The following UST variants were observed in gnomAD, a reference collection of about 807,000 sequenced individuals.
UST encodes chondroitin sulfate 2-O-sulfotransferase.
UST carries 21 observed loss-of-function variants against 45.6 expected under a neutral mutation model. That is an observed-to-expected ratio of 0.46 (90% confidence interval 0.33 to 0.66). UST has a LOEUF of 0.66. UST is among the 30% of genes least tolerant of loss of function. UST has a pLI of 0.02. For synonymous variants in UST, 215 were observed against 200.6 expected (o/e 1.07, Z -0.61); for missense variants, 463 against 512.4 (o/e 0.90, Z 0.93).
intron 1 of UST, among the ~76,000 whole-genome samples, chr6:148,864,716 A>G (rs953970296): frequency 2.0e-5 from 3 of 152,236 alleles, no homozygotes; most frequent in Non-Finnish European, 4.4e-5. Context: ...GGCAATAATT[A>G]ATAGTTATCC....
At chr6:148,941,251 A>G (rs1384835846) in intron 2 of UST, 28 bp from the exon 3 acceptor site, 1 of 1,612,252 alleles carries the variant, frequency 6.2e-7, no homozygotes, top group African/African-American at 1.3e-5. Context: ...CAGACGTTTC[A>G]TGTTTGTTCT....
chr6:148,970,520 T>C (rs1780893693), intron 5 of UST, among the ~76,000 whole-genome samples: 1 of 151,898 alleles, frequency 6.6e-6, no homozygotes, highest in African/African-American at 2.4e-5. Context: ...GGCTTACGAG[T>C]CACCCAGGTT....
intron 1 of UST, among the ~76,000 whole-genome samples, chr6:148,754,352 G>C (rs1776056064): frequency 6.6e-6 from 1 of 152,094 alleles, no homozygotes. Context: ...GGTGGTATTT[G>C]GTTACGTGAG....
intron 1 of UST, among the ~76,000 whole-genome samples, chr6:148,791,857 G>A (rs993874353): frequency 2.0e-5 from 3 of 152,148 alleles, no homozygotes; most frequent in Admixed American, 6.5e-5. Context: ...ACAAAACTCA[G>A]TAAACGATTG....
At chr6:148,994,944 T>C (rs1781423338) in intron 5 of UST, among the ~76,000 whole-genome samples, 1 of 152,176 alleles carries the variant, frequency 6.6e-6, no homozygotes. Flanking sequence ...CAGAATGCTA[T>C]CTTGTAGTCT....
At chr6:148,860,416 A>G (rs1778288051) in intron 1 of UST, among the ~76,000 whole-genome samples, 1 of 152,222 alleles carries the variant, frequency 6.6e-6, no homozygotes, top group African/African-American at 2.4e-5. Flanking sequence ...GGGGTTTTCT[A>G]AATATACAGT....
chr6:148,792,994 A>T (rs1049680999), intron 1 of UST, among the ~76,000 whole-genome samples: 2 of 152,230 alleles, frequency 1.3e-5, no homozygotes, highest in Admixed American at 6.5e-5. Context: ...CAACCTAAAC[A>T]TCAAGAAAAG....
At chr6:149,066,018 A>C (rs545635785) in intron 7 of UST, among the ~76,000 whole-genome samples, 157 of 152,312 alleles carry the variant, frequency 1.0e-3, no homozygotes, top group African/African-American at 3.6e-3. Flanking sequence ...ACAGAGCCTG[A>C]GGAGGACTGG....
At chr6:148,813,900 C>T (rs1465299635) in intron 1 of UST, among the ~76,000 whole-genome samples, 1 of 152,060 alleles carries the variant, frequency 6.6e-6, no homozygotes, top group Non-Finnish European at 1.5e-5. Flanking sequence ...AATGAATACT[C>T]AATTAATAGT....
At chr6:148,792,610 G>A (rs1036716955) in intron 1 of UST, among the ~76,000 whole-genome samples, 1 of 152,202 alleles carries the variant, frequency 6.6e-6, no homozygotes, top group African/African-American at 2.4e-5. Context: ...CACGTTTCAG[G>A]CAGAGATGTG....
rs184694488 is a variant in UST at position 148,881,919 on chromosome 6, C to T, written c.248-5067C>T. Among the ~76,000 whole-genome samples, 4 of 152,278 alleles carry T rather than the reference C, an allele frequency of 2.6e-5. No homozygotes were observed. The East Asian group carries it at 7.7e-4, about 29-fold the overall frequency. On this transcript the variant is annotated intron_variant, in intron 1 of 7. Transcript: ENST00000367463. ...AAAATCCTAGGATGAAAAGCTCTACCTACATATCAAATAATAAAATAGTTA... is the reference window on the plus strand; with the variant it reads ...AAAATCCTAGGATGAAAAGCTCTACTTACATATCAAATAATAAAATAGTTA...
At chr6:148,916,772 C>G (rs905012790) in intron 2 of UST, among the ~76,000 whole-genome samples, 5 of 152,200 alleles carry the variant, frequency 3.3e-5, no homozygotes, top group Non-Finnish European at 2.9e-5. Context: ...GTTGTGCAGG[C>G]CTCAGATTTT....
At chr6:148,749,702 C>T (rs1031691074) in intron 1 of UST, among the ~76,000 whole-genome samples, 9 of 152,176 alleles carry the variant, frequency 5.9e-5, no homozygotes, top group African/African-American at 1.9e-4. Flanking sequence ...AACATTTTCA[C>T]TTTATATTTC....
rs577334882 is a variant in UST, at chr6:149,070,347, A to T, written c.938-3486A>T. On this transcript the variant is annotated intron_variant, in intron 7 of 7. Transcript: ENST00000367463. ...ACCCGCCCCAGATTAGCTAGAGTTCATATCTTCAGAGAAGACAGATATTAT... is the reference window on the plus strand; with the variant it reads ...ACCCGCCCCAGATTAGCTAGAGTTCTTATCTTCAGAGAAGACAGATATTAT... 9.2e-4 allele frequency among the ~76,000 whole-genome samples: 140 copies of T among 152,360 alleles called. 1 individual carries two copies. The highest frequency in any genetic ancestry group is 1.5e-3 in the Non-Finnish European group (100 of 68,028).
chr6:148,963,266 C>G (rs114386091), intron 4 of UST, among the ~76,000 whole-genome samples: 3,608 of 152,232 alleles, frequency 0.024, 160 homozygotes, highest in African/African-American at 0.084. Flanking sequence ...TTCTTTCTGA[C>G]CCCTGACAGA....
chr6:148,987,378 G>A (rs529396703), intron 5 of UST, among the ~76,000 whole-genome samples: 1 of 152,330 alleles, frequency 6.6e-6, no homozygotes, highest in East Asian at 1.9e-4. Context: ...GGAAGGGTCA[G>A]GATGGACAGG....
At chr6:148,855,317 T>A (rs910432614) in intron 1 of UST, among the ~76,000 whole-genome samples, 18 of 152,348 alleles carry the variant, frequency 1.2e-4, no homozygotes, top group African/African-American at 4.1e-4. Context: ...GGGGATTTGT[T>A]ATCTCCTCTC....
At chr6:148,891,918 C>T (rs944523524) in intron 2 of UST, among the ~76,000 whole-genome samples, 4 of 152,166 alleles carry the variant, frequency 2.6e-5, no homozygotes, top group Non-Finnish European at 4.4e-5. Flanking sequence ...AGCACCTGAA[C>T]GTTTTCAAAC....
intron 5 of UST, among the ~76,000 whole-genome samples, chr6:149,015,848 G>T (rs1472961588): frequency 6.6e-6 from 1 of 152,326 alleles, no homozygotes; most frequent in East Asian, 1.9e-4. Flanking sequence ...ACAGGCCACT[G>T]TAAGTGCAGC....
Sources: allele counts gnomAD v4.1 joint callset (sites outside exome capture counted in the v4.1 genomes callset), GRCh38; gene constraint gnomAD v4.1.1; transcripts MANE v1.5; gene names NCBI Gene and HGNC (gene_info 2026-07-23, HGNC 2026-07-21).